CACNA1D: variants seen among roughly 807,000 people sequenced by gnomAD.
The protein encoded by CACNA1D is voltage-dependent L-type calcium channel subunit alpha-1D.
A neutral mutation model predicts 257.1 loss-of-function variants in CACNA1D; 55 were observed. The ratio of observed to expected loss-of-function variants is 0.21; its 90% CI spans 0.17 to 0.27. The LOEUF (loss-of-function observed/expected upper bound fraction) is 0.27. Ranked by LOEUF, CACNA1D falls within the 10% of genes least tolerant of loss-of-function variation. The pLI is 1.00. For missense variants in CACNA1D, 1,876 were observed against 2,784.0 expected, an observed-to-expected ratio of 0.67 and a Z score of 7.34; for synonymous variants, 980 against 1,014.9, an observed-to-expected ratio of 0.97 and a Z score of 0.65.
At chr3:53,740,679 G>C (rs1172644923) in intron 21 of CACNA1D, among the ~76,000 whole-genome samples, 1 of 140,026 alleles carries the variant, frequency 7.1e-6, no homozygotes, top group African/African-American at 2.7e-5. Context: ...TTTAACCTTT[G>C]AATGCATGTA....
intron 30 of CACNA1D, 62 bp downstream of exon 30, chr3:53,762,143 G>A (rs1021449108): frequency 4.6e-5 from 47 of 1,020,216 alleles, no homozygotes; most frequent in African/African-American, 1.1e-4. Flanking sequence ...TGCATACTCC[G>A]CTCCCTGCCC....
chr3:53,777,346 A>G (rs1274003399), intron 37 of CACNA1D, among the ~76,000 whole-genome samples: 4 of 152,216 alleles, frequency 2.6e-5, no homozygotes, highest in Non-Finnish European at 5.9e-5. Context: ...AGAAGGCCCC[A>G]GGTACAAGCT....
Position 53,747,411 on chromosome 3 carries a change from G to T in CACNA1D, c.3277G>T (p.Ala1093Ser). ...CGACAACGTCCTCTCTGCTATGATG[G>T]CGCTCTTCACAGTCTCCACGTTTGA... The part of the protein sequence containing the change: ...NFDNVLSAMM[A>S]LFTVSTFEGW... The change falls in exon 26 of 48, where the codon GCG becomes TCG. Residue 1093 changes from alanine (A) to serine (S), a missense_variant. This residue lies in a region of CACNA1D where 271 missense variants were observed against 425.5 expected (regional missense o/e 0.64). Transcript: ENST00000350061. 1 of 1,614,218 alleles carries T rather than the reference G, an allele frequency of 6.2e-7. No homozygotes were observed. The highest frequency in any genetic ancestry group is 8.5e-7 in the Non-Finnish European group (1 of 1,180,018).
intron 45 of CACNA1D, chr3:53,808,392 C>G: frequency 2.3e-6 from 1 of 434,824 alleles, no homozygotes; most frequent in East Asian, 4.8e-5. Context: ...CCAGCCTGGG[C>G]GACAGAGCCA....
chr3:53,565,544 A>C (rs777563230), intron 3 of CACNA1D, among the ~76,000 whole-genome samples: 21 of 152,156 alleles, frequency 1.4e-4, no homozygotes, highest in Non-Finnish European at 2.2e-4. Flanking sequence ...AATGGAGAGG[A>C]GGGAGAAAGG....
chr3:53,769,323 C>T (rs1393494240), intron 30 of CACNA1D, among the ~76,000 whole-genome samples: 15 of 152,212 alleles, frequency 9.9e-5, no homozygotes, highest in Admixed American at 9.8e-4. Context: ...TCCAAAGACT[C>T]ATACGGACCT....
chr3:53,614,126 C>CA (rs60855377), intron 3 of CACNA1D, among the ~76,000 whole-genome samples: 14,750 of 108,674 alleles, frequency 0.14, 1,066 homozygotes, highest in Non-Finnish European at 0.14. Flanking sequence ...GCCCCCAACT[C>CA]AAAAAAAAAA....
At chr3:53,617,185 A>G (rs985192360) in intron 3 of CACNA1D, among the ~76,000 whole-genome samples, 1 of 152,190 alleles carries the variant, frequency 6.6e-6, no homozygotes, top group Non-Finnish European at 1.5e-5. Context: ...TGATAGCAGA[A>G]GCATCCAGCT....
In CACNA1D at chr3:53,509,281, G is replaced by C. The variant is rs199947471; in HGVS notation, c.483+7561G>C. Among the ~76,000 whole-genome samples, 642 of 143,664 alleles carry C rather than the reference G, an allele frequency of 4.5e-3. 5 individuals are homozygous for C. The highest frequency in any genetic ancestry group is 0.013 in the African/African-American group (499 of 38,504). The allele number at this position is 143,664 out of a possible 152,430, so 94.2% of individuals were successfully genotyped here. ...ATCAGTGAGCTCCACAGCCCCCTCT[G>C]TGTGTGTGTGTGTGTGTTTGAGAGA... On this transcript the variant is annotated intron_variant, in intron 3 of 47. Coordinates refer to ENST00000350061, the MANE Select transcript of CACNA1D (RefSeq NM_001128840.3).
intron 9 of CACNA1D, chr3:53,710,537 A>G (rs2094742301): frequency 2.2e-6 from 1 of 454,686 alleles, no homozygotes; most frequent in Non-Finnish European, 4.4e-6. Context: ...TTTTCCTTGC[A>G]CATAGGCATT....
intron 3 of CACNA1D, among the ~76,000 whole-genome samples, chr3:53,612,529 C>G (rs2093594317): frequency 6.6e-6 from 1 of 152,234 alleles, no homozygotes; most frequent in Admixed American, 6.5e-5. Flanking sequence ...GGGATCTGTT[C>G]AGCTCACAGT....
intron 3 of CACNA1D, among the ~76,000 whole-genome samples, chr3:53,616,164 T>A (rs984509921): frequency 6.6e-6 from 1 of 152,216 alleles, no homozygotes; most frequent in East Asian, 1.9e-4. Context: ...GAATTGTGAA[T>A]GCTAAGGGCT....
chr3:53,526,390 G>T (rs951071525), intron 3 of CACNA1D, among the ~76,000 whole-genome samples: 1 of 152,216 alleles, frequency 6.6e-6, no homozygotes, highest in African/African-American at 2.4e-5. Flanking sequence ...ATAGCCTTAA[G>T]TCAGAATTTA....
chr3:53,558,670 A>G (rs1404537039), intron 3 of CACNA1D, among the ~76,000 whole-genome samples: 1 of 152,160 alleles, frequency 6.6e-6, no homozygotes, highest in Non-Finnish European at 1.5e-5. Flanking sequence ...TTCTTTCAGC[A>G]CTTTATCAGA....
At chr3:53,637,878 A>G (rs66596667) in intron 3 of CACNA1D, among the ~76,000 whole-genome samples, 15,942 of 152,210 alleles carry the variant, frequency 0.1, 974 homozygotes, top group African/African-American at 0.15. Context: ...ATTACTTGGT[A>G]ATACTAAAGC....
intron 43 of CACNA1D, 98 bp from the exon 44 acceptor site, chr3:53,803,325 G>A (rs2095545636): frequency 1.5e-6 from 2 of 1,376,732 alleles, no homozygotes; most frequent in African/African-American, 1.4e-5. Flanking sequence ...GAAGCCAGGA[G>A]CACCCGGGCA....
At chr3:53,518,626 T>G (rs984190916) in intron 3 of CACNA1D, among the ~76,000 whole-genome samples, 1 of 152,214 alleles carries the variant, frequency 6.6e-6, no homozygotes, top group African/African-American at 2.4e-5. Context: ...AGAGCCAGTT[T>G]CTGCTTTTCA....
At chr3:53,750,484 C>G (rs1185760370) in intron 27 of CACNA1D, among the ~76,000 whole-genome samples, 1 of 152,206 alleles carries the variant, frequency 6.6e-6, no homozygotes, top group East Asian at 1.9e-4. Context: ...CCAGGCACGG[C>G]AAGCCAACCA....
intron 3 of CACNA1D, among the ~76,000 whole-genome samples, chr3:53,533,280 T>C (rs939762874): frequency 5.3e-5 from 8 of 152,216 alleles, no homozygotes; most frequent in African/African-American, 1.9e-4. Flanking sequence ...TCTTATTGTT[T>C]ATTGTATATC....
Sources: gnomAD v4.1 joint callset for allele counts (sites outside exome capture counted in the v4.1 genomes callset) on GRCh38, gnomAD v4.1.1 for gene constraint, gnomAD v4.1.1 regional missense constraint, MANE v1.5 for transcripts, NCBI Gene and HGNC (gene_info 2026-07-23, HGNC 2026-07-21) for gene names.